TRHDE: variants seen among roughly 807,000 people sequenced by gnomAD.
The protein encoded by TRHDE is thyrotropin-releasing hormone-degrading ectoenzyme.
A neutral mutation model predicts 125.7 loss-of-function variants in TRHDE; 72 were observed. The observed-to-expected ratio is 0.57, with a 90% CI of 0.47 to 0.70. TRHDE has a LOEUF of 0.70. Among genes scored for constraint, TRHDE ranks in the 30% least tolerant of loss-of-function variants. The pLI is 0.00. For missense variants in TRHDE, 1,110 were observed against 1,327.1 expected (o/e 0.84, Z 2.54); for synonymous variants, 509 against 509.1 (o/e 1.00, Z 0.00).
chr12:72,221,926 A>G (rs924987914), intron 2 of TRHDE, among the ~76,000 whole-genome samples: 3 of 152,088 alleles, frequency 2.0e-5, no homozygotes, highest in Admixed American at 6.6e-5. Flanking sequence ...GTTTGGAGCA[A>G]CTGGGTTCTG....
chr12:72,463,230 G>C (rs1467088280), intron 3 of TRHDE, among the ~76,000 whole-genome samples: 1 of 152,164 alleles, frequency 6.6e-6, no homozygotes, highest in East Asian at 1.9e-4. Flanking sequence ...TGAATTGCTA[G>C]GATATTTATT....
chr12:72,275,265 G>A (rs531625260), intron 1 of TRHDE, among the ~76,000 whole-genome samples: 6 of 152,312 alleles, frequency 3.9e-5, no homozygotes, highest in Admixed American at 3.3e-4. Flanking sequence ...ATTGCAATGT[G>A]TTGTGAAAGT....
At chr12:72,393,020 T>C (rs1309633380) in intron 3 of TRHDE, among the ~76,000 whole-genome samples, 2 of 152,124 alleles carry the variant, frequency 1.3e-5, no homozygotes, top group Non-Finnish European at 2.9e-5. Context: ...CACATTTGTA[T>C]ACAAATTTAT....
chr12:72,286,384 G>C (rs1260450219), intron 1 of TRHDE, among the ~76,000 whole-genome samples: 1 of 152,234 alleles, frequency 6.6e-6, no homozygotes, highest in Admixed American at 6.5e-5. Flanking sequence ...GTTCTGGCCA[G>C]TGTGATGCCA....
chr12:72,371,431 T>A (rs1036655926), intron 2 of TRHDE, among the ~76,000 whole-genome samples: 1 of 151,738 alleles, frequency 6.6e-6, no homozygotes, highest in African/African-American at 2.4e-5. Context: ...AGGGTACATG[T>A]GCACAATGTG....
At chr12:72,361,645 C>T (rs1592388574) in intron 2 of TRHDE, among the ~76,000 whole-genome samples, 1 of 150,048 alleles carries the variant, frequency 6.7e-6, no homozygotes, top group Non-Finnish European at 1.5e-5. Flanking sequence ...ATGTGCCATG[C>T]TGGTGTGCTG....
chr12:72,305,072 A>G (rs1218070409), intron 2 of TRHDE, among the ~76,000 whole-genome samples: 1 of 152,182 alleles, frequency 6.6e-6, no homozygotes. Flanking sequence ...AGAATACTCC[A>G]CTAGTAAAAA....
At chr12:72,349,287 C>A (rs1444080951) in intron 2 of TRHDE, among the ~76,000 whole-genome samples, 4 of 152,010 alleles carry the variant, frequency 2.6e-5, no homozygotes, top group Non-Finnish European at 4.4e-5. Context: ...GGTTTCATTT[C>A]TAAACTGCCT....
intron 12 of TRHDE, among the ~76,000 whole-genome samples, chr12:72,589,462 C>A (rs1386133987): frequency 7.9e-5 from 12 of 152,042 alleles, no homozygotes; most frequent in Non-Finnish European, 2.9e-5. Context: ...AGGTTTTAAG[C>A]CCCACATGCA....
chr12:72,640,202 C>T (rs1345882815), intron 15 of TRHDE, among the ~76,000 whole-genome samples: 1 of 152,266 alleles, frequency 6.6e-6, no homozygotes, highest in Non-Finnish European at 1.5e-5. Context: ...GACACAATCT[C>T]CTGGTGTGCT....
intron 6 of TRHDE, among the ~76,000 whole-genome samples, chr12:72,530,847 A>G (rs1025144448): frequency 6.6e-6 from 1 of 152,016 alleles, no homozygotes; most frequent in Non-Finnish European, 1.5e-5. Context: ...AATAATGGGT[A>G]TTTGATATTA....
At chr12:72,389,625 C>T (rs961580200) in intron 3 of TRHDE, among the ~76,000 whole-genome samples, 2 of 152,196 alleles carry the variant, frequency 1.3e-5, no homozygotes, top group African/African-American at 2.4e-5. Context: ...AGCAAGTTCT[C>T]AGGTGTATCT....
chr12:72,403,757 G>C (rs1478361003), intron 3 of TRHDE, among the ~76,000 whole-genome samples: 1 of 152,140 alleles, frequency 6.6e-6, no homozygotes, highest in Non-Finnish European at 1.5e-5. Flanking sequence ...TTGAAACCCA[G>C]CTAGGAAGTC....
At chr12:72,630,449 A>G (rs1489392784) in intron 15 of TRHDE, among the ~76,000 whole-genome samples, 2 of 151,738 alleles carry the variant, frequency 1.3e-5, no homozygotes, top group African/African-American at 4.8e-5. Flanking sequence ...TAAACCCACC[A>G]TGGTTTTGAA....
chr12:72,622,048 C>A (rs1045826941), intron 15 of TRHDE, among the ~76,000 whole-genome samples: 6 of 151,952 alleles, frequency 3.9e-5, no homozygotes, highest in Admixed American at 1.3e-4. Flanking sequence ...CTCATAAGAA[C>A]AAAATAATGA....
intron 2 of TRHDE, among the ~76,000 whole-genome samples, chr12:72,217,642 C>A (rs1877919451): frequency 6.6e-6 from 1 of 152,092 alleles, no homozygotes; most frequent in African/African-American, 2.4e-5. Flanking sequence ...GCTGGAAGAA[C>A]AGTGCATATA....
Position 72,316,845 on chromosome 12 carries a change from T to C in TRHDE, c.1188+29891T>C, listed in dbSNP as rs574506070. ...GGAATTATTGTTCAGAGAAATGTGT[T>C]CTGGTGTATAAGTTACATGATTATC... is the stretch of plus-strand genomic sequence containing the variant. On this transcript the variant is annotated intron_variant, in intron 2 of 18. Transcript: ENST00000261180. Among the ~76,000 whole-genome samples the C allele has an allele frequency of 8.1e-4, 123 of 152,188 alleles. 1 individual carries two copies. The highest frequency in any genetic ancestry group is 2.4e-3 in the Admixed American group (37 of 15,270).
At chr12:72,431,477 T>C (rs1231678147) in intron 3 of TRHDE, among the ~76,000 whole-genome samples, 1 of 152,172 alleles carries the variant, frequency 6.6e-6, no homozygotes, top group Admixed American at 6.5e-5. Context: ...TAATGCTTTA[T>C]GTCCCCACAT....
chr12:72,207,802 G>A (rs575587635), intron 2 of TRHDE, among the ~76,000 whole-genome samples: 4 of 152,256 alleles, frequency 2.6e-5, no homozygotes, highest in South Asian at 4.1e-4. Context: ...GCTTTGTAGC[G>A]CTTTTCTGTA....
Sources: gnomAD v4.1 joint callset for allele counts (sites outside exome capture counted in the v4.1 genomes callset) on GRCh38, gnomAD v4.1.1 for gene constraint, MANE v1.5 for transcripts, NCBI Gene and HGNC (gene_info 2026-07-23, HGNC 2026-07-21) for gene names.